Variants in SGCZ observed in about 807,000 individuals in gnomAD.
SGCZ encodes the protein zeta-sarcoglycan.
SGCZ carries 40 observed loss-of-function variants against 41.3 expected under a neutral mutation model. The observed-to-expected ratio is 0.97, with a 90% CI of 0.75 to 1.26. SGCZ has a LOEUF of 1.26. Among genes scored for constraint, SGCZ ranks in the 50% most tolerant of loss-of-function variants. The pLI, the probability that SGCZ is intolerant of heterozygous loss-of-function variation, is 0.00. For missense variants in SGCZ, 552 were observed against 369.8 expected, an observed-to-expected ratio of 1.49 and a Z score of -4.04; for synonymous variants, 206 against 137.5, an observed-to-expected ratio of 1.50 and a Z score of -3.49.
At chr8:14,721,797 C>T (rs544468389) in intron 1 of SGCZ, among the ~76,000 whole-genome samples, 2 of 152,230 alleles carry the variant, frequency 1.3e-5, no homozygotes, top group East Asian at 3.9e-4. Context: ...TTAACTGCAG[C>T]CAAAACAAAC....
chr8:14,130,486 C>A (rs546088918), intron 5 of SGCZ, among the ~76,000 whole-genome samples: 3 of 144,478 alleles, frequency 2.1e-5, no homozygotes, highest in Middle Eastern at 3.5e-3. Context: ...TTCCCACACA[C>A]AAAAAAATGA....
intron 1 of SGCZ, among the ~76,000 whole-genome samples, chr8:14,808,716 C>T (rs1322649759): frequency 1.3e-5 from 2 of 151,938 alleles, no homozygotes; most frequent in African/African-American, 2.4e-5. Context: ...TTGACCCAGC[C>T]ATCCCATTAC....
chr8:14,229,065 T>TGAAGATGACC (rs1192581748), intron 4 of SGCZ, among the ~76,000 whole-genome samples: 2 of 152,070 alleles, frequency 1.3e-5, no homozygotes. Flanking sequence ...CAGCAAAGGT[T>TGAAGATGACC]GAAGATGACC....
intron 3 of SGCZ, among the ~76,000 whole-genome samples, chr8:14,260,727 G>C (rs13276293): frequency 0.21 from 32,168 of 152,156 alleles, 4,511 homozygotes; most frequent in Non-Finnish European, 0.31. Context: ...ACTGGATTAA[G>C]AAAATGTGGC....
Position 14,888,800 on chromosome 8 carries a change from TGTAA to T in SGCZ, c.40-333878_40-333875del, listed in dbSNP as rs963654908. 2.6e-5 allele frequency among the ~76,000 whole-genome samples: 4 copies of T among 152,184 alleles called. 1 individual carries two copies. Among genetic ancestry groups the T allele is most frequent in the African/African-American group, 4.8e-5 (2 of 41,470 alleles). On this transcript the variant is annotated intron_variant, in intron 1 of 7. Transcript: ENST00000382080. ...CATTCATTTGTTTTTCTCAAAAATATGTAAGTTTTATTGTGAAGTAAACATTATT... is the reference window on the plus strand; with the variant it reads ...CATTCATTTGTTTTTCTCAAAAATATGTTTTATTGTGAAGTAAACATTATT...
chr8:15,208,221 C>T (rs10097637), intron 1 of SGCZ, among the ~76,000 whole-genome samples: 1 of 152,098 alleles, frequency 6.6e-6, no homozygotes, highest in Non-Finnish European at 1.5e-5. Context: ...TGCTGGAAAA[C>T]GATGATGAAA....
chr8:14,153,709 G>C (rs773235636), intron 5 of SGCZ, among the ~76,000 whole-genome samples: 5 of 151,968 alleles, frequency 3.3e-5, no homozygotes, highest in Non-Finnish European at 7.4e-5. Context: ...GGACCACATA[G>C]CCATTGATGT....
intron 2 of SGCZ, among the ~76,000 whole-genome samples, chr8:14,325,430 C>T (rs904720689): frequency 2.7e-5 from 4 of 149,760 alleles, no homozygotes; most frequent in Non-Finnish European, 4.4e-5. Flanking sequence ...TAGCTTTTCA[C>T]TTTCTAACAT....
chr8:14,514,789 G>GTCTAAA (rs1802567678), intron 2 of SGCZ, among the ~76,000 whole-genome samples: 1 of 35,840 alleles, frequency 2.8e-5, no homozygotes, highest in African/African-American at 1.9e-4. Flanking sequence ...GTAAATGTGT[G>GTCTAAA]TGTGTGTGTG....
intron 3 of SGCZ, chr8:14,308,970 T>G: frequency 1.5e-5 from 10 of 680,042 alleles, no homozygotes; most frequent in Non-Finnish European, 2.5e-5. Context: ...AGAGTTTCAG[T>G]GTCTTGAGGA....
At chr8:15,202,450 G>A (rs527789384) in intron 1 of SGCZ, among the ~76,000 whole-genome samples, 1 of 152,282 alleles carries the variant, frequency 6.6e-6, no homozygotes, top group African/African-American at 2.4e-5. Context: ...GCTAAGCTAT[G>A]AGGACACAAA....
chr8:15,029,320 G>A (rs1803572544), intron 1 of SGCZ, among the ~76,000 whole-genome samples: 1 of 152,044 alleles, frequency 6.6e-6, no homozygotes, highest in Admixed American at 6.6e-5. Flanking sequence ...CCATATGCCT[G>A]TAGGTGCATG....
intron 2 of SGCZ, among the ~76,000 whole-genome samples, chr8:14,521,916 A>G (rs997953444): frequency 3.2e-4 from 48 of 152,082 alleles, no homozygotes; most frequent in African/African-American, 1.1e-3. Flanking sequence ...CTGTACGTCA[A>G]TTTAAGGAAG....
rs570701188 is a variant in SGCZ, at chr8:14,172,732, C to A, written c.425-8030G>T. Among the ~76,000 whole-genome samples, 35 of 152,156 alleles carry A rather than the reference C, an allele frequency of 2.3e-4. 1 individual carries two copies. The highest frequency in any genetic ancestry group is 8.2e-4 in the African/African-American group (34 of 41,516). ...AAATAGAGCCCATCGGTGTTGGCAG[C>A]TAGCAGGAGGAGAGATGAGATTTCA... On this transcript the variant is annotated intron_variant, in intron 4 of 7. Transcript: ENST00000382080.
At chr8:14,699,900 T>G (rs1809080761) in intron 1 of SGCZ, among the ~76,000 whole-genome samples, 1 of 151,894 alleles carries the variant, frequency 6.6e-6, no homozygotes, top group Non-Finnish European at 1.5e-5. Flanking sequence ...AAAACTACAG[T>G]GAGATACCAC....
chr8:14,153,755 G>A (rs2116957935), intron 5 of SGCZ, among the ~76,000 whole-genome samples: 1 of 152,170 alleles, frequency 6.6e-6, no homozygotes, highest in East Asian at 1.9e-4. Flanking sequence ...GATATCATAT[G>A]CTGAAATCCT....
chr8:14,492,351 T>C lies in SGCZ; in HGVS notation c.234+62381A>G, dbSNP rs150245749. Among the ~76,000 whole-genome samples the C allele has an allele frequency of 3.7e-3, 562 of 152,302 alleles. 4 individuals carry two copies. Among genetic ancestry groups the C allele is most frequent in the Non-Finnish European group, 5.9e-3 (398 of 68,016 alleles). ...TTAAAAATTATGTTTCTTTGTGTATTACATGAGAAAATATTGTTGATAAGT... is the reference window on the plus strand; with the variant it reads ...TTAAAAATTATGTTTCTTTGTGTATCACATGAGAAAATATTGTTGATAAGT... On this transcript the variant is annotated intron_variant, in intron 2 of 7. Coordinates refer to ENST00000382080, the MANE Select transcript of SGCZ (RefSeq NM_139167.4).
At chr8:14,363,322 C>A (rs1443058025) in intron 2 of SGCZ, among the ~76,000 whole-genome samples, 1 of 152,212 alleles carries the variant, frequency 6.6e-6, no homozygotes. Context: ...GGGGAAAATA[C>A]TGACTTTCAG....
At chr8:14,551,498 T>TTA (rs1403762270) in intron 2 of SGCZ, among the ~76,000 whole-genome samples, 1 of 10,004 alleles carries the variant, frequency 1.0e-4, no homozygotes, top group African/African-American at 4.8e-4. Flanking sequence ...ATTATATATA[T>TTA]TATATATATT....
Sources: gnomAD v4.1 joint callset for allele counts (sites outside exome capture counted in the v4.1 genomes callset) on GRCh38, gnomAD v4.1.1 for gene constraint, MANE v1.5 for transcripts, NCBI Gene and HGNC (gene_info 2026-07-23, HGNC 2026-07-21) for gene names.